CDH26: variants seen among roughly 807,000 people sequenced by gnomAD.
The protein encoded by CDH26 is cadherin 26.
Under a neutral mutation model 90.3 loss-of-function variants are expected in CDH26, and 83 were observed. The observed-to-expected ratio is 0.92, with a 90% CI of 0.77 to 1.10. The LOEUF (loss-of-function observed/expected upper bound fraction) is 1.10. CDH26 is among the 50% of genes least tolerant of loss of function. CDH26 has a pLI of 0.00. For missense variants in CDH26, 1,013 were observed against 1,037.6 expected (o/e 0.98, Z 0.33); for synonymous variants, 397 against 396.3 (o/e 1.00, Z -0.02).
At chr20:60,016,901 G>C (rs985716596), downstream of CDH26, among the ~76,000 whole-genome samples, 2 of 152,052 alleles carry the variant, frequency 1.3e-5, no homozygotes, top group African/African-American at 4.8e-5. Context: ...TCATTTTGTT[G>C]ATGTGATGTA....
intron 4 of CDH26, among the ~76,000 whole-genome samples, chr20:59,973,614 T>A (rs2061291607): frequency 6.6e-6 from 1 of 152,196 alleles, no homozygotes; most frequent in African/African-American, 2.4e-5. Context: ...TCTCATCATT[T>A]AGCTCCTATC....
rs1278448022 is a variant in CDH26, at chr20:59,972,088, C to T, written c.358C>T (p.Arg120Cys). Residue 120 changes from arginine to cysteine, a missense_variant, in exon 4 of 18, where the codon CGC becomes TGC. By Grantham distance (180) the Arg-to-Cys change is radical. Coordinates refer to ENST00000348616, the MANE Select transcript of CDH26 (RefSeq NM_177980.4). The part of the protein sequence containing the change: ...DHENGRIYVH[R>C]PVDREMTPSF... ...TGAGAACGGAAGGATATATGTTCAC[C>T]GCCCTGTCGATCGAGAAATGACACC... The T allele has an allele frequency of 1.1e-5, 17 of 1,613,712 alleles. No homozygotes were observed. The highest frequency in any genetic ancestry group is 6.7e-5 in the East Asian group (3 of 44,874).
chr20:60,001,263 G>T, intron 14 of CDH26, 80 bp from the exon 15 acceptor site: 2 of 1,547,696 alleles, frequency 1.3e-6, no homozygotes, highest in East Asian at 2.3e-5. Flanking sequence ...GGGAAGTGGT[G>T]AGAGGTCACG....
chr20:59,970,625 A>G (rs1324096180), intron 3 of CDH26, among the ~76,000 whole-genome samples: 3 of 151,772 alleles, frequency 2.0e-5, no homozygotes, highest in Non-Finnish European at 4.4e-5. Context: ...CCTGGCCAAC[A>G]TGGTGAAATC....
intron 7 of CDH26, 114 bp from the exon 8 acceptor site, chr20:59,987,339 C>G (rs1371528493): frequency 1.1e-6 from 1 of 870,104 alleles, no homozygotes; most frequent in African/African-American, 1.7e-5. Context: ...GAGCAACATT[C>G]TTTCTCCTTC....
chr20:60,007,477 G>A (rs1272763346), intron 17 of CDH26, among the ~76,000 whole-genome samples: 1 of 152,206 alleles, frequency 6.6e-6, no homozygotes, highest in African/African-American at 2.4e-5. Flanking sequence ...AGTACACTCA[G>A]AGTCAGAAAT....
At chr20:59,985,642 G>A (rs369923240) in intron 7 of CDH26, among the ~76,000 whole-genome samples, 12 of 152,036 alleles carry the variant, frequency 7.9e-5, no homozygotes, top group East Asian at 3.9e-4. Context: ...AGATTTGGGC[G>A]GGGACAGATC....
rs1458337904 is a variant in CDH26, at chr20:59,968,049, C to CTG, written c.70-917_70-916insGT. Among the ~76,000 whole-genome samples the CTG allele has an allele frequency of 9.4e-4, 129 of 137,174 alleles. 3 individuals carry two copies. The highest frequency in any genetic ancestry group is 3.8e-3 in the African/African-American group (128 of 33,438). The allele number at this position is 137,174 out of a possible 152,430, so 90.0% of individuals were successfully genotyped here. On this transcript the variant is annotated intron_variant, in intron 1 of 17. Transcript: ENST00000348616. ...TGTCTCTCTCTCTCTCTCTCTCTCT[C>CTG]TCTGTCTCTCTCTCTCTCTCTCTCC...
chr20:60,027,696 C>T (rs1037204371), intron 7 of CDH26, among the ~76,000 whole-genome samples: 1 of 152,166 alleles, frequency 6.6e-6, no homozygotes, highest in Admixed American at 6.5e-5. Context: ...TGGCCGACAG[C>T]AGGATCTGCA....
chr20:59,981,568 T>C (rs981875736), intron 4 of CDH26, among the ~76,000 whole-genome samples: 3 of 152,170 alleles, frequency 2.0e-5, no homozygotes, highest in Non-Finnish European at 4.4e-5. Flanking sequence ...ATTGCTGAAA[T>C]TGATTTTCGA....
intron 1 of CDH26, among the ~76,000 whole-genome samples, chr20:59,964,176 T>C (rs2061115766): frequency 6.6e-6 from 1 of 152,252 alleles, no homozygotes; most frequent in South Asian, 2.1e-4. Flanking sequence ...GAATGATTTC[T>C]ATATAGGCCT....
rs775712533 is a variant in CDH26 at position 60,001,309 on chromosome 20, T to A, written c.2098-34T>A. 2.5e-6 allele frequency: 4 copies of A among 1,613,128 alleles called. No individual in the cohort carries two copies. The South Asian group carries it at 3.3e-5, about 13-fold the overall frequency. On this transcript the variant is annotated intron_variant, in intron 14 of 17. Coordinates refer to ENST00000348616, the MANE Select transcript of CDH26 (RefSeq NM_177980.4). ...TTGTTTCCAGCTGGAGAGAAATCCA[T>A]TCTCTTTTGAGTAAATCAGCATTTT...
chr20:60,032,211 C>T (rs1418584140), intron 8 of CDH26, among the ~76,000 whole-genome samples: 3 of 152,132 alleles, frequency 2.0e-5, no homozygotes, highest in Admixed American at 6.5e-5. Flanking sequence ...AGGCTTTTAA[C>T]CCAATGAAGG....
At chr20:59,967,985 TTC>T (rs1402916930) in intron 1 of CDH26, among the ~76,000 whole-genome samples, 1 of 131,494 alleles carries the variant, frequency 7.6e-6, no homozygotes, top group Non-Finnish European at 1.6e-5. Context: ...CTTTCTTTCT[TTC>T]TTTCTTTCTT....
chr20:60,010,313 G>A (rs2061816380), intron 17 of CDH26, among the ~76,000 whole-genome samples: 1 of 152,162 alleles, frequency 6.6e-6, no homozygotes, highest in Non-Finnish European at 1.5e-5. Context: ...CCTTGGGCTT[G>A]AGCCCCAGGA....
chr20:59,979,184 TTTC>T (rs1457540964), intron 4 of CDH26, among the ~76,000 whole-genome samples: 3 of 150,438 alleles, frequency 2.0e-5, no homozygotes, highest in Non-Finnish European at 4.4e-5. Flanking sequence ...GCATCAAGAG[TTTC>T]TTCTTCTTCT....
intron 13 of CDH26, among the ~76,000 whole-genome samples, chr20:59,999,138 G>A (rs2061641829): frequency 6.6e-6 from 1 of 152,156 alleles, no homozygotes; most frequent in African/African-American, 2.4e-5. Flanking sequence ...AAGCTAATGA[G>A]CCCTTGGCCA....
chr20:59,980,946 C>G (rs949498716), intron 4 of CDH26, among the ~76,000 whole-genome samples: 6 of 151,936 alleles, frequency 3.9e-5, no homozygotes, highest in African/African-American at 1.5e-4. Flanking sequence ...GATATAGACC[C>G]AGGTTTATTT....
rs1322350989 is a variant in CDH26 at position 59,983,009 on chromosome 20, T to G, written c.480T>G (p.Asp160Glu). ...ACATTAGGATCAGTGATGTGAATGA[T>G]CATGCACCCCAGTTTCCAGAGAAGG... ...IFNIRISDVN[D>E]HAPQFPEKEF... The change falls in exon 5 of 18, where the codon GAT becomes GAG. Residue 160 changes from aspartate (D) to glutamate (E), a missense_variant. By Grantham distance (45) the Asp-to-Glu change is conservative. Transcript: ENST00000348616. The G allele has an allele frequency of 6.2e-7, 1 of 1,614,006 alleles. No homozygotes were observed. Among genetic ancestry groups the G allele is most frequent in the Non-Finnish European group, 8.5e-7 (1 of 1,180,014 alleles).
Sources: gnomAD v4.1 joint callset for allele counts (sites outside exome capture counted in the v4.1 genomes callset) on GRCh38, gnomAD v4.1.1 for gene constraint, MANE v1.5 for transcripts, NCBI Gene and HGNC (gene_info 2026-07-23, HGNC 2026-07-21) for gene names.